PTPRM: variants seen among roughly 807,000 people sequenced by gnomAD.
The protein encoded by PTPRM is receptor-type tyrosine-protein phosphatase mu.
A neutral mutation model predicts 186.7 loss-of-function variants in PTPRM; 47 were observed. That is an observed-to-expected ratio of 0.25 (90% CI 0.20 to 0.32). PTPRM has a LOEUF of 0.32. Ranked by LOEUF, PTPRM falls within the 10% of genes least tolerant of loss-of-function variation. PTPRM has a pLI of 1.00. For missense variants in PTPRM, 1,494 were observed against 1,865.0 expected (o/e 0.80, Z 3.66); for synonymous variants, 668 against 674.9 (o/e 0.99, Z 0.16).
At chr18:7,941,612 A>G (rs955367196) in intron 5 of PTPRM, among the ~76,000 whole-genome samples, 3 of 152,332 alleles carry the variant, frequency 2.0e-5, no homozygotes, top group South Asian at 2.1e-4. Flanking sequence ...AAGCACATCT[A>G]TGACTATCAA....
rs1486593794 is a variant in PTPRM, at chr18:8,275,163, G to A, written c.2755-21205G>A. 3.9e-5 allele frequency among the ~76,000 whole-genome samples: 6 copies of A among 152,192 alleles called. No homozygotes were observed. In the East Asian group the frequency reaches 1.2e-3, roughly 29 times the overall value. ...GAAATGTAGGTTTCAACGGGACCAG[G>A]TGTGGTAGCTCATACCTGTAATCTT... On this transcript the variant is annotated intron_variant, in intron 19 of 32. Transcript: ENST00000580170.
In PTPRM at chr18:7,573,176, G is replaced by A. The variant is rs1406084597; in HGVS notation, c.73+5285G>A. Among the ~76,000 whole-genome samples, 4 of 152,346 alleles carry A rather than the reference G, an allele frequency of 2.6e-5. No individual in the cohort carries two copies. The East Asian group carries it at 7.7e-4, about 29-fold the overall frequency. ...GAAGAGAAGTGTTGTGTACTCAGGT[G>A]TGGGATGTGACAAGCTCTAGAGATC... On this transcript the variant is annotated intron_variant, in intron 1 of 32. Coordinates refer to ENST00000580170, the MANE Select transcript of PTPRM (RefSeq NM_001105244.2).
intron 2 of PTPRM, among the ~76,000 whole-genome samples, chr18:7,854,965 C>T (rs1470955156): frequency 2.0e-5 from 3 of 152,020 alleles, no homozygotes; most frequent in African/African-American, 7.2e-5. Flanking sequence ...GGTAGCATCT[C>T]CTACCCTCAG....
At chr18:8,066,939 A>G (rs1246901621) in intron 7 of PTPRM, among the ~76,000 whole-genome samples, 1 of 152,246 alleles carries the variant, frequency 6.6e-6, no homozygotes, top group African/African-American at 2.4e-5. Context: ...GGAGCATGCA[A>G]AAATACTTGA....
intron 7 of PTPRM, among the ~76,000 whole-genome samples, chr18:8,028,460 G>A (rs1050835060): frequency 1.3e-5 from 2 of 152,162 alleles, no homozygotes; most frequent in Non-Finnish European, 2.9e-5. Context: ...TTAAATAAAT[G>A]TAGATATAAT....
chr18:8,351,913 G>T (rs663711), intron 23 of PTPRM, among the ~76,000 whole-genome samples: 28,731 of 152,076 alleles, frequency 0.19, 3,362 homozygotes, highest in Non-Finnish European at 0.26. Context: ...TTCCCTGGCT[G>T]CCCTGGTGAA....
chr18:8,114,369 A>G (rs1385371278), intron 12 of PTPRM, among the ~76,000 whole-genome samples: 1 of 152,186 alleles, frequency 6.6e-6, no homozygotes, highest in Non-Finnish European at 1.5e-5. Context: ...CGCAGATACC[A>G]CAGTGGGTCC....
intron 2 of PTPRM, among the ~76,000 whole-genome samples, chr18:7,788,246 GA>G (rs1943691986): frequency 6.6e-6 from 1 of 152,124 alleles, no homozygotes; most frequent in African/African-American, 2.4e-5. Flanking sequence ...CTGTTTTTGA[GA>G]AGTAGTCCCT....
At chr18:7,693,259 A>G (rs2039773859) in intron 1 of PTPRM, among the ~76,000 whole-genome samples, 1 of 152,214 alleles carries the variant, frequency 6.6e-6, no homozygotes, top group Non-Finnish European at 1.5e-5. Context: ...TGAACACTCC[A>G]CATGCAGGAT....
intron 14 of PTPRM, among the ~76,000 whole-genome samples, chr18:8,225,746 A>G (rs773020688): frequency 2.0e-5 from 3 of 152,234 alleles, no homozygotes; most frequent in Admixed American, 1.3e-4. Flanking sequence ...TTATGACCTC[A>G]GGGTAGGGAA....
At chr18:8,211,377 CTTTTTTTT>C (rs970926126) in intron 14 of PTPRM, among the ~76,000 whole-genome samples, 17 of 87,234 alleles carry the variant, frequency 1.9e-4, no homozygotes, top group African/African-American at 5.2e-4. Context: ...GTCTCTTCTT[CTTTTTTTT>C]TTTTTTTTTT....
chr18:7,998,543 A>G (rs2083677293), intron 7 of PTPRM, among the ~76,000 whole-genome samples: 1 of 152,232 alleles, frequency 6.6e-6, no homozygotes, highest in Non-Finnish European at 1.5e-5. Flanking sequence ...CCTCATGAAG[A>G]TATTTGTGGA....
chr18:7,983,353 C>G (rs563713946), intron 7 of PTPRM, among the ~76,000 whole-genome samples: 1 of 152,082 alleles, frequency 6.6e-6, no homozygotes, highest in East Asian at 1.9e-4. Flanking sequence ...GCTATCCCCC[C>G]AACCTGGTTA....
intron 4 of PTPRM, among the ~76,000 whole-genome samples, chr18:7,922,054 T>G (rs2050896639): frequency 6.6e-6 from 1 of 152,202 alleles, no homozygotes; most frequent in East Asian, 1.9e-4. Flanking sequence ...ATTTACCTGT[T>G]GATTTCCCTT....
At chr18:8,264,804 C>T (rs2147538350) in intron 19 of PTPRM, among the ~76,000 whole-genome samples, 1 of 150,410 alleles carries the variant, frequency 6.6e-6, no homozygotes, top group African/African-American at 2.4e-5. Context: ...GAGTACACAC[C>T]TACACACACA....
chr18:8,388,251 C>G lies in PTPRM; in HGVS notation c.4208+1016C>G, dbSNP rs73384208. Among the ~76,000 whole-genome samples, 13 of 152,274 alleles carry G rather than the reference C, an allele frequency of 8.5e-5. 1 individual carries two copies. In the East Asian group the frequency reaches 2.5e-3, roughly 29 times the overall value. On this transcript the variant is annotated intron_variant, in intron 31 of 32. Coordinates refer to ENST00000580170, the MANE Select transcript of PTPRM (RefSeq NM_001105244.2). ...AATTTGGGGAAATTTAAAGGATAAG[C>G]GAATGTCACTTTTCAGTGAAGTATC...
intron 11 of PTPRM, among the ~76,000 whole-genome samples, chr18:8,112,697 T>C (rs2091808643): frequency 6.6e-6 from 1 of 152,252 alleles, no homozygotes; most frequent in Non-Finnish European, 1.5e-5. Context: ...GTTCAAGGTT[T>C]CTGCCATTCT....
chr18:8,011,431 AG>A lies in PTPRM; in HGVS notation c.1132+56018del, dbSNP rs549199701. Among the ~76,000 whole-genome samples, 1,452 of 152,300 alleles carry A rather than the reference AG, an allele frequency of 9.5e-3. 6 individuals carry two copies. Among genetic ancestry groups the A allele is most frequent in the South Asian group, 0.033 (161 of 4,828 alleles). On this transcript the variant is annotated intron_variant, in intron 7 of 32. Coordinates refer to ENST00000580170, the MANE Select transcript of PTPRM (RefSeq NM_001105244.2). Reference sequence around the variant, plus strand: ...ATCTCTAGCCCTCTGTGCCAGTCACAGAGGTTTCACTCTTCATGGTTTCACT... The same window carrying A: ...ATCTCTAGCCCTCTGTGCCAGTCACAAGGTTTCACTCTTCATGGTTTCACT...
chr18:7,672,249 G>A (rs2144496231), intron 1 of PTPRM, among the ~76,000 whole-genome samples: 1 of 152,180 alleles, frequency 6.6e-6, no homozygotes. Flanking sequence ...TTGTCATTTA[G>A]AAATGATCCC....
Sources: allele counts gnomAD v4.1 joint callset (sites outside exome capture counted in the v4.1 genomes callset), GRCh38; gene constraint gnomAD v4.1.1; transcripts MANE v1.5; gene names NCBI Gene and HGNC (gene_info 2026-07-23, HGNC 2026-07-21).